The following ZNF605 variants were observed in gnomAD, a reference collection of about 807,000 sequenced individuals.
ZNF605 encodes zinc finger protein 605.
Under a neutral mutation model 7.9 loss-of-function variants are expected in ZNF605, and 9 were observed. That is an observed-to-expected ratio of 1.14 (90% confidence interval 0.68 to 1.98). ZNF605 has a LOEUF of 1.98. Ranked by LOEUF, ZNF605 falls within the 30% of genes most tolerant of loss-of-function variation. The pLI, the probability that ZNF605 is intolerant of heterozygous loss-of-function variation, is 0.00. For synonymous variants in ZNF605, 255 were observed against 260.1 expected (o/e 0.98, Z 0.19); for missense variants, 673 against 762.4 (o/e 0.88, Z 1.38).
At chr12:132,949,196 C>G (rs1159792306) in intron 1 of ZNF605, among the ~76,000 whole-genome samples, 1 of 152,192 alleles carries the variant, frequency 6.6e-6, no homozygotes, top group African/African-American at 2.4e-5. Context: ...GAAGGACACT[C>G]CTTTGAAGCA....
At position 132,951,361 on chromosome 12, in the gene ZNF605, A is replaced by G. The variant is rs1421994548; in HGVS notation, c.-285-3091T>C. 2.6e-5 allele frequency among the ~76,000 whole-genome samples: 4 copies of G among 151,648 alleles called. No individual in the cohort carries two copies. The East Asian group carries it at 7.8e-4, about 30-fold the overall frequency. On this transcript the variant is annotated intron_variant, in intron 1 of 4. Transcript: ENST00000360187. ...CACACACAGACACGTACACACAGAT[A>G]CACACGTACATCACACATATACGTA...
chr12:132,928,728 G>C lies in ZNF605; in HGVS notation c.137-1566C>G, dbSNP rs535197370. 2.8e-3 allele frequency among the ~76,000 whole-genome samples: 421 copies of C among 152,294 alleles called. 1 individual carries two copies. Among genetic ancestry groups the C allele is most frequent in the African/African-American group, 9.8e-3 (408 of 41,566 alleles). Reference sequence around the variant, plus strand: ...GGCATGGTCTCAAATATAAAACGAGGCTGGGCCTGGTGGCAGCTCACAACA... The same window carrying C: ...GGCATGGTCTCAAATATAAAACGAGCCTGGGCCTGGTGGCAGCTCACAACA... On this transcript the variant is annotated intron_variant, in intron 4 of 4. Transcript: ENST00000360187.
At chr12:132,951,813 CAT>C (rs1486818669) in intron 1 of ZNF605, among the ~76,000 whole-genome samples, 1 of 151,732 alleles carries the variant, frequency 6.6e-6, no homozygotes, top group African/African-American at 2.4e-5. Flanking sequence ...ACATCACACA[CAT>C]ACACATACAC....
intron 1 of ZNF605, among the ~76,000 whole-genome samples, chr12:132,952,923 C>T (rs1952587626): frequency 6.6e-6 from 1 of 152,024 alleles, no homozygotes; most frequent in Non-Finnish European, 1.5e-5. Flanking sequence ...ACGGCCCTGC[C>T]AAGTTCCCCG....
intron 4 of ZNF605, 23 bp from the exon 5 acceptor site, chr12:132,927,185 C>A: frequency 6.7e-7 from 1 of 1,495,264 alleles, no homozygotes; most frequent in South Asian, 1.3e-5. Flanking sequence ...AAAAATGAAC[C>A]ATACTGTGTA....
rs1168833605 is a variant in ZNF605, at chr12:132,925,418, G to C, written c.1881C>G (p.Asn627Lys). ...GATGTATCATAAGCTGCGACTTCCT[G>C]TTGAAGGTGGTCCCACACTCATTGC... ...YGCNECGTTF[N>K]RKSQLMIHQR... The change falls in exon 5 of 5, where the codon AAC becomes AAG. Residue 627 changes from asparagine to lysine, a missense_variant. Transcript: ENST00000360187. 1 of 1,608,006 alleles carries C rather than the reference G, an allele frequency of 6.2e-7. No homozygotes were observed. The highest frequency in any genetic ancestry group is 8.5e-7 in the Non-Finnish European group (1 of 1,176,408).
chr12:132,936,554 A>G (rs990784498), intron 3 of ZNF605, among the ~76,000 whole-genome samples: 2 of 152,242 alleles, frequency 1.3e-5, no homozygotes, highest in East Asian at 3.8e-4. Context: ...AGTTAATGGA[A>G]CAGAACACAG....
Position 132,926,866 on chromosome 12 carries a change from A to C in ZNF605, c.433T>G (p.Cys145Gly). The C allele has an allele frequency of 6.2e-7, 1 of 1,614,228 alleles. No individual in the cohort carries two copies. Among genetic ancestry groups the C allele is most frequent in the East Asian group, 2.2e-5 (1 of 44,888 alleles). Residue 145 changes from cysteine to glycine, a missense_variant, in exon 5 of 5, where the codon TGC (cysteine) becomes GGC (glycine). By Grantham distance (159) the Cys-to-Gly change is radical. Coordinates refer to ENST00000360187, the MANE Select transcript of ZNF605 (RefSeq NM_183238.4). ...RTHGGIKYCD[C>G]STCRKSSNEE... ...TTGCTGGATTTTCTACATGTACTGC[A>C]ATCACAGTATTTTATCCCACCATGG...
At chr12:132,949,470 G>A (rs938903166) in intron 1 of ZNF605, among the ~76,000 whole-genome samples, 10 of 152,134 alleles carry the variant, frequency 6.6e-5, no homozygotes, top group Admixed American at 5.9e-4. Flanking sequence ...TTGGCCCCCT[G>A]GCCCTCACTC....
In ZNF605 at chr12:132,921,927, G is replaced by A. The variant is rs1168407073; in HGVS notation, c.*3446C>T. On this transcript the variant is annotated 3_prime_UTR_variant, in exon 5 of 5. Transcript: ENST00000360187. ...GACTTCAACTTAATGCATTAGCGCC[G>A]TAAGGTTGTAAGAGAAGCAACTCTG... 1.3e-5 allele frequency: 2 copies of A among 152,222 alleles called. No homozygotes were observed. The highest frequency in any genetic ancestry group is 2.4e-5 in the African/African-American group (1 of 41,460). 9.4% of individuals were successfully genotyped at this position (152,222 alleles called of 1,614,324 possible). A position where few individuals can be genotyped will look rare whatever the true frequency, so the allele number is the denominator to read the frequency against.
At position 132,920,124 on chromosome 12, in the gene ZNF605, C is replaced by T. The variant is rs1276374793; in HGVS notation, c.*5249G>A. Reference sequence around the variant, plus strand: ...AAGTGTTATGATTACAGGTGTGAGCCACCGCGCCCAGCGCCTGATTTATTT... The same window carrying T: ...AAGTGTTATGATTACAGGTGTGAGCTACCGCGCCCAGCGCCTGATTTATTT... On this transcript the variant is annotated 3_prime_UTR_variant, in exon 5 of 5. Transcript: ENST00000360187. 6.6e-6 allele frequency: 1 copy of T among 151,538 alleles called. No individual in the cohort carries two copies. The highest frequency in any genetic ancestry group is 2.0e-4 in the East Asian group (1 of 5,126). The allele number at this position is 151,538 out of a possible 1,614,324, so 9.4% of individuals were successfully genotyped here. A position where few individuals can be genotyped will look rare whatever the true frequency, so the allele number is the denominator to read the frequency against.
chr12:132,939,478 G>A (rs1383224168), intron 3 of ZNF605, among the ~76,000 whole-genome samples: 3,353 of 152,106 alleles, frequency 0.022, 114 homozygotes, highest in African/African-American at 0.076. Context: ...TGCACCAATT[G>A]ACACTCTGTA....
At position 132,925,890 on chromosome 12, in the gene ZNF605, G is replaced by A. The variant is rs868784960; in HGVS notation, c.1409C>T (p.Thr470Ile). 2 of 1,613,934 alleles carry A rather than the reference G, an allele frequency of 1.2e-6. No individual in the cohort carries two copies. The highest frequency in any genetic ancestry group is 2.7e-5 in the African/African-American group (2 of 74,910). ...QKSSLISHQR[T>I]HTGEKPYECS... ...TTCATAGGGTTTCTCACCTGTATGT[G>A]TTCTCTGATGTGATATCAGGCTTGA... is the stretch of plus-strand genomic sequence containing the variant. The change falls in exon 5 of 5, where the codon ACA (threonine) becomes ATA (isoleucine). Residue 470 changes from threonine to isoleucine, a missense_variant. By Grantham distance (89) the Thr-to-Ile change is moderately conservative. Coordinates refer to ENST00000360187, the MANE Select transcript of ZNF605 (RefSeq NM_183238.4).
intron 2 of ZNF605, among the ~76,000 whole-genome samples, chr12:132,947,618 TA>T (rs1700092033): frequency 6.6e-6 from 1 of 152,344 alleles, no homozygotes; most frequent in African/African-American, 2.4e-5. Context: ...TGGCCTCGTT[TA>T]ATTTTTATTC....
rs201876684 is a variant in ZNF605 at position 132,952,797 on chromosome 12, C to T, written c.-286+3446G>A. Among the ~76,000 whole-genome samples the T allele has an allele frequency of 3.0e-3, 464 of 152,142 alleles. 2 individuals are homozygous for T. The highest frequency in any genetic ancestry group is 6.9e-3 in the Admixed American group (105 of 15,260). On this transcript the variant is annotated intron_variant, in intron 1 of 4. Coordinates refer to ENST00000360187, the MANE Select transcript of ZNF605 (RefSeq NM_183238.4). ...CGTAAAAAGAGTGATCACTGATCAG[C>T]GGTCACAAGCTACAAGGAGAGGGCC...
intron 3 of ZNF605, among the ~76,000 whole-genome samples, chr12:132,940,898 C>G (rs1952429825): frequency 6.7e-6 from 1 of 150,092 alleles, no homozygotes; most frequent in Non-Finnish European, 1.5e-5. Flanking sequence ...CTCCCTCCCT[C>G]CCCACGTTTG....
In ZNF605 at chr12:132,926,567, C is replaced by A; in HGVS notation, c.732G>T (p.Gln244His). 2 of 1,614,164 alleles carry A rather than the reference C, an allele frequency of 1.2e-6. No homozygotes were observed. Among genetic ancestry groups the A allele is most frequent in the Non-Finnish European group, 1.7e-6 (2 of 1,180,030 alleles). Residue 244 changes from glutamine to histidine, a missense_variant, in exon 5 of 5, where the codon CAG becomes CAT. Gln to His is a conservative substitution (Grantham distance 24). Transcript: ENST00000360187. ...FSRKSLLILH[Q>H]RIHTGEKPYG... Reference sequence around the variant, plus strand: ...ACGGCTTCTCTCCAGTATGAATTCTCTGATGTAAAATGAGGAGTGACTTCC... The same window carrying A: ...ACGGCTTCTCTCCAGTATGAATTCTATGATGTAAAATGAGGAGTGACTTCC...
intron 3 of ZNF605, chr12:132,944,856 T>G (rs1952481326): frequency 6.5e-6 from 1 of 153,812 alleles, no homozygotes; most frequent in African/African-American, 2.4e-5. Flanking sequence ...TGTCTGCTTT[T>G]TCCTTTTGAC....
chr12:132,929,729 G>A (rs1952286828), intron 4 of ZNF605, among the ~76,000 whole-genome samples: 1 of 152,056 alleles, frequency 6.6e-6, no homozygotes, highest in African/African-American at 2.4e-5. Flanking sequence ...GGCAGATCAC[G>A]AGGTCAAGGG....
Sources: gnomAD v4.1 joint callset for allele counts (sites outside exome capture counted in the v4.1 genomes callset) on GRCh38, gnomAD v4.1.1 for gene constraint, MANE v1.5 for transcripts, NCBI Gene and HGNC (gene_info 2026-07-23, HGNC 2026-07-21) for gene names.